Variants in CD96 observed in about 807,000 individuals in gnomAD.
The protein encoded by CD96 is CD96 molecule.
In CD96, 70 loss-of-function variants were observed where a neutral mutation model predicts 71.3. The observed-to-expected ratio is 0.98, with a 90% confidence interval of 0.81 to 1.20. CD96 has a LOEUF of 1.20. CD96 is among the 50% of genes most tolerant of loss of function. The pLI is 0.00. For synonymous variants in CD96, 248 were observed against 233.0 expected (o/e 1.06, Z -0.59); for missense variants, 742 against 677.5 (o/e 1.10, Z -1.06).
downstream of CD96, among the ~76,000 whole-genome samples, chr3:111,656,425 C>T (rs149104258): frequency 6.2e-4 from 95 of 152,182 alleles, 1 homozygote; most frequent in Middle Eastern, 3.4e-3. Context: ...AAAATGGTGC[C>T]ACCAATATTG....
intron 3 of CD96, 27 bp from the exon 4 acceptor site, chr3:111,579,000 A>G: frequency 7.9e-7 from 1 of 1,258,100 alleles, no homozygotes; most frequent in Non-Finnish European, 1.2e-6. Flanking sequence ...TGAGGACTCA[A>G]TAACTGGTAA....
At chr3:111,601,994 T>G (rs1460647743) in intron 7 of CD96, among the ~76,000 whole-genome samples, 1 of 152,176 alleles carries the variant, frequency 6.6e-6, no homozygotes, top group African/African-American at 2.4e-5. Context: ...TATGAACACA[T>G]CATCCTGTGT....
intron 2 of CD96, among the ~76,000 whole-genome samples, chr3:111,567,030 G>A (rs535141904): frequency 3.9e-5 from 6 of 152,126 alleles, no homozygotes; most frequent in African/African-American, 9.7e-5. Flanking sequence ...CAAATGTACC[G>A]CTGTGGAACA....
intron 5 of CD96, 37 bp downstream of exon 5, chr3:111,585,415 T>C (rs1188684012): frequency 7.5e-7 from 1 of 1,325,300 alleles, no homozygotes; most frequent in East Asian, 2.3e-5. Flanking sequence ...TCTACAGTAT[T>C]ACATGTAAGG....
At chr3:111,566,691 G>A (rs1321208599) in intron 2 of CD96, among the ~76,000 whole-genome samples, 1 of 152,038 alleles carries the variant, frequency 6.6e-6, no homozygotes, top group African/African-American at 2.4e-5. Context: ...TTTCCCAATA[G>A]GAGAGACTAC....
chr3:111,556,528 G>A (rs1277529595), intron 2 of CD96, among the ~76,000 whole-genome samples: 16 of 130,694 alleles, frequency 1.2e-4, no homozygotes, highest in South Asian at 8.1e-4. Context: ...TACAAAGGAC[G>A]TGAACTCATC....
chr3:111,645,828 G>A (rs112517155), intron 12 of CD96, among the ~76,000 whole-genome samples: 7 of 152,092 alleles, frequency 4.6e-5, no homozygotes, highest in African/African-American at 1.2e-4. Context: ...GGAAGACCTC[G>A]AATCCCTGGA....
chr3:111,641,212 A>G (rs1326575404), intron 12 of CD96, among the ~76,000 whole-genome samples: 2 of 152,256 alleles, frequency 1.3e-5, no homozygotes, highest in Non-Finnish European at 2.9e-5. Flanking sequence ...AGCAGAATGG[A>G]TAAGAACTTA....
chr3:111,548,898 T>C (rs58906230), intron 2 of CD96, among the ~76,000 whole-genome samples: 8,561 of 152,226 alleles, frequency 0.056, 569 homozygotes, highest in African/African-American at 0.15. Context: ...TTTTGAGTGC[T>C]TACAGTGCTA....
At position 111,594,098 on chromosome 3, in the gene CD96, A is replaced by G. The variant is rs761719827; in HGVS notation, c.808-4022A>G. 6.2e-7 allele frequency: 1 copy of G among 1,614,142 alleles called. No homozygotes were observed. Among genetic ancestry groups the G allele is most frequent in the East Asian group, 2.2e-5 (1 of 44,878 alleles). On this transcript the variant is annotated intron_variant, in intron 5 of 13. Transcript: ENST00000352690. Reference sequence around the variant, plus strand: ...GGGCATAGCACTCACAAAAGGGCCAACCAGTTCTCCTGTCTCACTAATCTC... The same window carrying G: ...GGGCATAGCACTCACAAAAGGGCCAGCCAGTTCTCCTGTCTCACTAATCTC...
chr3:111,578,834 G>A (rs564897174), intron 3 of CD96, among the ~76,000 whole-genome samples, 193 bp from the exon 4 acceptor site: 1 of 152,164 alleles, frequency 6.6e-6, no homozygotes, highest in South Asian at 2.1e-4. Context: ...GTTAGGAGAG[G>A]GTAACAATAG....
At chr3:111,648,440 A>G (rs1445628133) in intron 13 of CD96, among the ~76,000 whole-genome samples, 1 of 152,196 alleles carries the variant, frequency 6.6e-6, no homozygotes, top group Non-Finnish European at 1.5e-5. Context: ...GGTGAACAAA[A>G]CACTAAACCA....
chr3:111,623,681 T>A lies in CD96; in HGVS notation c.1181-73T>A, dbSNP rs192001275. Reference sequence around the variant, plus strand: ...CAACTCTAATATTCCAGGCTCTTGTTAAATGTAGTGGCACAGTTAAACATA... The same window carrying A: ...CAACTCTAATATTCCAGGCTCTTGTAAAATGTAGTGGCACAGTTAAACATA... On this transcript the variant is annotated intron_variant, in intron 8 of 13. Transcript: ENST00000352690. 202 of 916,738 alleles carry A rather than the reference T, an allele frequency of 2.2e-4. 1 individual carries two copies. The African/African-American group carries it at 2.6e-3, about 12-fold the overall frequency. The allele number at this position is 916,738 out of a possible 1,614,324, so 56.8% of individuals were successfully genotyped here.
intron 10 of CD96, among the ~76,000 whole-genome samples, chr3:111,636,574 A>C (rs114624583): frequency 0.011 from 1,621 of 152,310 alleles, 32 homozygotes; most frequent in African/African-American, 0.036. Context: ...ATGAGTTGTT[A>C]GATCTATTTC....
At chr3:111,575,764 A>C (rs1190692515) in intron 3 of CD96, among the ~76,000 whole-genome samples, 2 of 152,202 alleles carry the variant, frequency 1.3e-5, no homozygotes, top group East Asian at 3.8e-4. Flanking sequence ...GAGAGGACAA[A>C]AATCTTTGTC....
chr3:111,610,012 G>A (rs906831040), intron 8 of CD96, among the ~76,000 whole-genome samples: 1 of 152,288 alleles, frequency 6.6e-6, no homozygotes, highest in Non-Finnish European at 1.5e-5. Flanking sequence ...GAATTATTTG[G>A]TTCAAAATGT....
chr3:111,617,961 T>A (rs1352455099), intron 8 of CD96, among the ~76,000 whole-genome samples: 3 of 152,232 alleles, frequency 2.0e-5, no homozygotes, highest in Non-Finnish European at 4.4e-5. Flanking sequence ...TGCCACAGTG[T>A]TCCCCTTGTC....
At chr3:111,549,414 C>T (rs1001308832) in intron 2 of CD96, among the ~76,000 whole-genome samples, 3 of 152,106 alleles carry the variant, frequency 2.0e-5, no homozygotes, top group Admixed American at 6.6e-5. Context: ...TTGTCTTTAT[C>T]CTAAGAGCTG....
At position 111,579,051 on chromosome 3, in the gene CD96, CTTATCT is replaced by C; in HGVS notation, c.569_574del (p.Leu190_Ser192delinsPro). 1 of 1,607,448 alleles carries C rather than the reference CTTATCT, an allele frequency of 6.2e-7. No individual in the cohort carries two copies. Among genetic ancestry groups the C allele is most frequent in the Non-Finnish European group, 8.5e-7 (1 of 1,173,902 alleles). ...GGAGGATAATGGAACTCAGGAAACA[CTTATCT>C]CCCAAAATCACCTCATCAGCAATTC... is the stretch of plus-strand genomic sequence containing the variant. On this transcript the variant is annotated inframe_deletion, in exon 4 of 14. Transcript: ENST00000352690.
Sources: gnomAD v4.1 joint callset for allele counts (sites outside exome capture counted in the v4.1 genomes callset) on GRCh38, gnomAD v4.1.1 for gene constraint, MANE v1.5 for transcripts, NCBI Gene and HGNC (gene_info 2026-07-23, HGNC 2026-07-21) for gene names.